Variants in INTS6 observed in about 807,000 individuals in gnomAD.
The protein encoded by INTS6 is DEAD box protein.
A neutral mutation model predicts 104.9 loss-of-function variants in INTS6; 16 were observed. The observed-to-expected ratio is 0.15, with a 90% CI of 0.10 to 0.23. The LOEUF (loss-of-function observed/expected upper bound fraction) is 0.23. INTS6 is among the 10% of genes least tolerant of loss of function. The probability of loss-of-function intolerance (pLI) is 1.00; values close to 1 mark genes in which losing one functional copy is unlikely to be tolerated. For synonymous variants in INTS6, 324 were observed against 358.7 expected (o/e 0.90, Z 1.09); for missense variants, 584 against 1,062.8 (o/e 0.55, Z 6.26).
chr13:51,349,489 T>G (rs1252081136), downstream of INTS6, among the ~76,000 whole-genome samples: 1 of 152,148 alleles, frequency 6.6e-6, no homozygotes, highest in Non-Finnish European at 1.5e-5. Flanking sequence ...ATCTTCCTAT[T>G]ATATTTGAGA....
chr13:51,407,746 G>C (rs955539208), intron 4 of INTS6, among the ~76,000 whole-genome samples: 2 of 152,110 alleles, frequency 1.3e-5, no homozygotes, highest in Admixed American at 1.3e-4. Flanking sequence ...GAGTGTTTCT[G>C]TACGGTATGG....
rs1004490001 is a variant in INTS6, at chr13:51,384,064, T to C, written c.895-323A>G. Reference sequence around the variant, plus strand: ...ATATAGAAACTCTCACAAGTCTTCATTTGTAGCAATTACTTATAGAGAGTA... The same window carrying C: ...ATATAGAAACTCTCACAAGTCTTCACTTGTAGCAATTACTTATAGAGAGTA... On this transcript the variant is annotated intron_variant, in intron 7 of 17. Coordinates refer to ENST00000311234, the MANE Select transcript of INTS6 (RefSeq NM_012141.3). The C allele has an allele frequency of 9.4e-5, 17 of 180,742 alleles. No individual in the cohort carries two copies. In the East Asian group the frequency reaches 2.4e-3, roughly 25 times the overall value. 11.2% of individuals were successfully genotyped at this position (180,742 alleles called of 1,614,324 possible).
intron 3 of INTS6, among the ~76,000 whole-genome samples, chr13:51,435,082 C>T (rs142422584): frequency 2.0e-4 from 31 of 151,920 alleles, no homozygotes; most frequent in African/African-American, 7.5e-4. Flanking sequence ...TCAATATTCA[C>T]CTTGGCCATA....
At chr13:51,393,424 T>A (rs1247190882) in intron 5 of INTS6, among the ~76,000 whole-genome samples, 1 of 152,190 alleles carries the variant, frequency 6.6e-6, no homozygotes, top group Non-Finnish European at 1.5e-5. Flanking sequence ...AGTGATTACA[T>A]ATTTGGATAG....
intron 4 of INTS6, chr13:51,423,116 A>G: frequency 8.4e-7 from 1 of 1,184,912 alleles, no homozygotes; most frequent in Non-Finnish European, 1.1e-6. Context: ...AGAACTAAAT[A>G]TAAACGTATG....
intron 4 of INTS6, among the ~76,000 whole-genome samples, chr13:51,429,273 A>T (rs1957039873): frequency 1.3e-5 from 2 of 152,326 alleles, no homozygotes; most frequent in South Asian, 4.1e-4. Flanking sequence ...ATACCATGGG[A>T]ATTAAGATAC....
At chr13:51,345,321 A>G in the INTS6 span, among the ~76,000 whole-genome samples, 1 of 152,164 alleles carries the variant, frequency 6.6e-6, no homozygotes, top group South Asian at 2.1e-4. Flanking sequence ...AACATTCAAG[A>G]CCCAGTGTTG....
the INTS6 span, among the ~76,000 whole-genome samples, chr13:51,342,903 A>G: frequency 6.6e-6 from 1 of 152,194 alleles, no homozygotes; most frequent in Non-Finnish European, 1.5e-5. Context: ...AGGCTGATTC[A>G]TGAGATCAAG....
intron 4 of INTS6, among the ~76,000 whole-genome samples, chr13:51,425,188 T>C (rs1352004198): frequency 6.6e-6 from 1 of 152,026 alleles, no homozygotes; most frequent in Non-Finnish European, 1.5e-5. Flanking sequence ...GAATTATCCA[T>C]ATCTCAAAGC....
At position 51,378,267 on chromosome 13, in the gene INTS6, G is replaced by C; in HGVS notation, c.1574C>G (p.Thr525Ser). ...RLLDLNMKEY[T>S]GFQVALLNKD... is the part of the protein sequence containing the mutation. ...ATTCAGCAAAGCAACTTGGAACCCAGTGTATTCCTTCATATTAAGGTCTAG... is the reference window on the plus strand; with the variant it reads ...ATTCAGCAAAGCAACTTGGAACCCACTGTATTCCTTCATATTAAGGTCTAG... The change falls in exon 12 of 18, where the codon ACT becomes AGT. Residue 525 changes from threonine (T) to serine (S), a missense_variant. Around this residue, in one of 5 missense-constraint regions of INTS6, gnomAD observed 296 missense variants for 437.0 expected, o/e 0.68. Coordinates refer to ENST00000311234, the MANE Select transcript of INTS6 (RefSeq NM_012141.3). The C allele has an allele frequency of 6.2e-7, 1 of 1,613,126 alleles. No individual in the cohort carries two copies. The highest frequency in any genetic ancestry group is 8.5e-7 in the Non-Finnish European group (1 of 1,179,200).
At chr13:51,337,100 T>C in the INTS6 span, among the ~76,000 whole-genome samples, 583 of 152,348 alleles carry the variant, frequency 3.8e-3, 3 homozygotes, top group African/African-American at 0.013. Context: ...CTCTAGCTGT[T>C]CCCTCAGACT....
At chr13:51,359,885 T>G (rs951030495), downstream of INTS6, among the ~76,000 whole-genome samples, 2 of 152,048 alleles carry the variant, frequency 1.3e-5, no homozygotes, top group East Asian at 3.8e-4. Context: ...TTAAAGACCC[T>G]AGAGAAAAAG....
chr13:51,346,976 A>G, the INTS6 span: 1 of 1,388,790 alleles, frequency 7.2e-7, no homozygotes, highest in Non-Finnish European at 1.0e-6. Flanking sequence ...GGTTCGGTTC[A>G]GTTTCAATGC....
At chr13:51,395,835 T>TTTTCC (rs1241670106) in intron 4 of INTS6, among the ~76,000 whole-genome samples, 2 of 152,230 alleles carry the variant, frequency 1.3e-5, no homozygotes, top group Admixed American at 1.3e-4. Flanking sequence ...TTTTCTTTTC[T>TTTTCC]TTTTGAGGTT....
rs890044189 is a variant in INTS6 at position 51,445,056 on chromosome 13, C to T, written c.339+5969G>A. ...TCCCTTGATTTACCCAACATATGTG[C>T]TCCTAAAAGGTTCCCTGCAAATCAA... On this transcript the variant is annotated intron_variant, in intron 3 of 17. Transcript: ENST00000311234. 5 of 152,096 alleles carry T rather than the reference C, an allele frequency of 3.3e-5. No homozygotes were observed. In the South Asian group the frequency reaches 8.3e-4, roughly 25 times the overall value. The allele number at this position is 152,096 out of a possible 1,614,324, so 9.4% of individuals were successfully genotyped here.
At chr13:51,408,397 G>T (rs1231146084) in intron 4 of INTS6, among the ~76,000 whole-genome samples, 1 of 151,956 alleles carries the variant, frequency 6.6e-6, no homozygotes, top group Non-Finnish European at 1.5e-5. Flanking sequence ...CACCCTCCTT[G>T]GTGTCCCAAA....
At chr13:51,387,562 A>C in intron 6 of INTS6, 22 bp from the exon 7 acceptor site, 5 of 1,594,942 alleles carry the variant, frequency 3.1e-6, no homozygotes, top group Non-Finnish European at 4.3e-6. Context: ...AAATTAAGAC[A>C]AAGAAAGCAT....
chr13:51,435,337 A>ATCTT (rs140140045), intron 3 of INTS6, among the ~76,000 whole-genome samples: 1,729 of 152,130 alleles, frequency 0.011, 26 homozygotes, highest in East Asian at 0.071. Flanking sequence ...ACAGGAGTCA[A>ATCTT]TCTGTCATTA....
At chr13:51,438,205 C>A (rs1183715658) in intron 3 of INTS6, 3 of 152,028 alleles carry the variant, frequency 2.0e-5, no homozygotes, top group African/African-American at 7.3e-5. Context: ...TTCTAAGAAT[C>A]CTTTCTTGCT....
Sources: gnomAD v4.1 joint callset for allele counts (sites outside exome capture counted in the v4.1 genomes callset) on GRCh38, gnomAD v4.1.1 for gene constraint, gnomAD v4.1.1 regional missense constraint, MANE v1.5 for transcripts, NCBI Gene and HGNC (gene_info 2026-07-23, HGNC 2026-07-21) for gene names.